SFI1: variants seen among roughly 807,000 people sequenced by gnomAD.
SFI1 encodes the protein SFI1 centrin binding protein, also known as protein SFI1 homolog.
Under a neutral mutation model 207.5 loss-of-function variants are expected in SFI1, and 195 were observed. The ratio of observed to expected loss-of-function variants is 0.94; its 90% confidence interval spans 0.84 to 1.06. SFI1 has a LOEUF of 1.06. SFI1 is among the 50% of genes least tolerant of loss of function. The pLI is 0.00. For synonymous variants in SFI1, 630 were observed against 598.9 expected, an observed-to-expected ratio of 1.05 and a Z score of -0.76; for missense variants, 1,634 against 1,588.0, an observed-to-expected ratio of 1.03 and a Z score of -0.49.
chr22:31,526,806 G>A (rs1239968786), intron 2 of SFI1, among the ~76,000 whole-genome samples: 2 of 151,478 alleles, frequency 1.3e-5, no homozygotes, highest in South Asian at 2.1e-4. Flanking sequence ...CAGGTGATCC[G>A]CCTGCCTCAG....
chr22:31,501,840 G>A (rs2053829231), intron 1 of SFI1, among the ~76,000 whole-genome samples: 1 of 152,178 alleles, frequency 6.6e-6, no homozygotes, highest in African/African-American at 2.4e-5. Flanking sequence ...TCTGTCTGTA[G>A]TTGGCACATT....
At chr22:31,566,914 T>G (rs2145646929) in intron 8 of SFI1, among the ~76,000 whole-genome samples, 1 of 152,272 alleles carries the variant, frequency 6.6e-6, no homozygotes, top group South Asian at 2.1e-4. Flanking sequence ...TAGGAATTTT[T>G]TTTTTCTTTT....
chr22:31,594,854 CAAAAAAAAAA>C (rs67157514), intron 15 of SFI1, among the ~76,000 whole-genome samples: 5 of 76,814 alleles, frequency 6.5e-5, no homozygotes, highest in Non-Finnish European at 9.4e-5. Context: ...GACTCTGTCT[CAAAAAAAAAA>C]AAAAAAAAAA....
intron 2 of SFI1, among the ~76,000 whole-genome samples, chr22:31,518,241 C>T (rs1260998099): frequency 2.0e-5 from 3 of 152,028 alleles, no homozygotes; most frequent in Admixed American, 6.6e-5. Flanking sequence ...GTGATCTGCC[C>T]GCCTTGGCCT....
intron 22 of SFI1, among the ~76,000 whole-genome samples, chr22:31,609,884 T>A (rs1002511005): frequency 6.6e-6 from 1 of 152,176 alleles, no homozygotes; most frequent in African/African-American, 2.4e-5. Flanking sequence ...CCAGTTTGGG[T>A]CAGCTGCCTT....
In SFI1 at chr22:31,603,760, C is replaced by T. The variant is rs746813468; in HGVS notation, c.1822C>T (p.Arg608Trp). 18 of 1,541,804 alleles carry T rather than the reference C, an allele frequency of 1.2e-5. No individual in the cohort carries two copies. In the African/African-American group the frequency reaches 1.3e-4, roughly 11 times the overall value. Residue 608 changes from arginine to tryptophan, a missense_variant, in exon 18 of 33, where the codon CGG becomes TGG. Coordinates refer to ENST00000400288, the MANE Select transcript of SFI1 (RefSeq NM_001007467.3). The part of the protein sequence containing the change: ...GLRTERTGRV[R>W]AAEFHMAQLL... ...TCCCCACAGGAGGACGGGCAGGGTG[C>T]GGGCAGCAGAATTCCACATGGCCCA...
At position 31,618,573 on chromosome 22, in the gene SFI1, A is replaced by G. The variant is rs2072250026; in HGVS notation, c.*155A>G. On this transcript the variant is annotated 3_prime_UTR_variant, in exon 33 of 33. Transcript: ENST00000400288. The stretch of plus-strand genomic sequence containing the variant: ...AGAAGTCTCCCACTTTTCATACAAA[A>G]ATACTGTGCTACTGATACAGTTGAA... 1.4e-6 allele frequency: 1 copy of G among 736,016 alleles called. No homozygotes were observed. The highest frequency in any genetic ancestry group is 1.8e-5 in the African/African-American group (1 of 55,648). The allele number at this position is 736,016 out of a possible 1,614,324, so 45.6% of individuals were successfully genotyped here.
At chr22:31,539,165 T>A (rs2059254142) in intron 4 of SFI1, among the ~76,000 whole-genome samples, 1 of 152,154 alleles carries the variant, frequency 6.6e-6, no homozygotes, top group Non-Finnish European at 1.5e-5. Context: ...TTTTCAGACC[T>A]CCAGTAGCTA....
Position 31,519,126 on chromosome 22 carries a change from A to G in SFI1, c.93-9564A>G, listed in dbSNP as rs568148692. 2.6e-5 allele frequency among the ~76,000 whole-genome samples: 4 copies of G among 152,296 alleles called. No individual in the cohort carries two copies. The East Asian group carries it at 7.7e-4, about 29-fold the overall frequency. Reference sequence around the variant, plus strand: ...ATGCTCATAAAAATACTACATATCAATATATGAAATACAACTACAGTCATG... The same window carrying G: ...ATGCTCATAAAAATACTACATATCAGTATATGAAATACAACTACAGTCATG... On this transcript the variant is annotated intron_variant, in intron 2 of 32. Transcript: ENST00000400288.
intron 14 of SFI1, among the ~76,000 whole-genome samples, chr22:31,588,878 T>C (rs2065397771): frequency 6.6e-6 from 1 of 151,794 alleles, no homozygotes; most frequent in South Asian, 2.1e-4. Context: ...GCATATATGC[T>C]TTTTCCCCCC....
intron 7 of SFI1, among the ~76,000 whole-genome samples, chr22:31,557,347 GTT>G (rs554292941): frequency 7.2e-6 from 1 of 139,630 alleles, no homozygotes; most frequent in Admixed American, 7.2e-5. Flanking sequence ...CCCAGCTAAT[GTT>G]TTTTTTTTTT....
chr22:31,531,833 C>G (rs780400067), intron 4 of SFI1, among the ~76,000 whole-genome samples: 41 of 148,732 alleles, frequency 2.8e-4, no homozygotes, highest in Middle Eastern at 3.6e-3. Context: ...GCGGAGGTTG[C>G]GATGAGCCAA....
rs375460419 is a variant in SFI1 at position 31,549,952 on chromosome 22, C to CA, written c.450-301dup. Among the ~76,000 whole-genome samples the CA allele has an allele frequency of 3.0e-3, 450 of 151,530 alleles. 5 individuals carry two copies. The highest frequency in any genetic ancestry group is 0.011 in the African/African-American group (439 of 41,296). ...TTGTTTGTTTGTTTGTTTCTTGAGA[C>CA]AGAGTCTTGCTCTGTTGTCCAGGCT... On this transcript the variant is annotated intron_variant, in intron 5 of 32. Transcript: ENST00000400288.
At chr22:31,568,202 GTGTGTGTGTATA>G (rs1602925638) in intron 8 of SFI1, among the ~76,000 whole-genome samples, 1 of 140,108 alleles carries the variant, frequency 7.1e-6, no homozygotes, top group East Asian at 2.1e-4. Context: ...TGTTGTGTGT[GTGTGTGTGTATA>G]TATATATATA....
At chr22:31,558,739 A>G (rs2061404872) in intron 7 of SFI1, among the ~76,000 whole-genome samples, 1 of 152,046 alleles carries the variant, frequency 6.6e-6, no homozygotes, top group Admixed American at 6.6e-5. Context: ...AGCCTCTCCA[A>G]GTGCTGGGAT....
intron 20 of SFI1, chr22:31,605,194 C>G (rs767233703): frequency 5.7e-5 from 19 of 333,746 alleles, no homozygotes; most frequent in Middle Eastern, 1.6e-3. Flanking sequence ...ACTTGTCTTG[C>G]TCTTCTGAGC....
chr22:31,615,395 C>T, intron 29 of SFI1, 116 bp downstream of exon 29: 1 of 984,686 alleles, frequency 1.0e-6, no homozygotes, highest in Non-Finnish European at 1.4e-6. Flanking sequence ...AGGGAGGCCA[C>T]TCATCCATTT....
intron 12 of SFI1, among the ~76,000 whole-genome samples, chr22:31,583,027 G>C (rs2064546373): frequency 6.6e-6 from 1 of 152,174 alleles, no homozygotes; most frequent in Non-Finnish European, 1.5e-5. Context: ...GGGCTCAAGA[G>C]AATATCCTGC....
intron 24 of SFI1, 81 bp from the exon 25 acceptor site, chr22:31,613,061 G>A: frequency 2.7e-6 from 4 of 1,478,326 alleles, no homozygotes; most frequent in Non-Finnish European, 3.7e-6. Flanking sequence ...AGCCAAGAGG[G>A]ACGAGCTGGG....
Sources: allele counts gnomAD v4.1 joint callset (sites outside exome capture counted in the v4.1 genomes callset), GRCh38; gene constraint gnomAD v4.1.1; transcripts MANE v1.5; gene names NCBI Gene and HGNC (gene_info 2026-07-23, HGNC 2026-07-21).